The following DYNC1I1 variants were observed in gnomAD, a reference collection of about 807,000 sequenced individuals.
DYNC1I1 encodes the protein cytoplasmic dynein 1 intermediate chain 1.
In DYNC1I1, 43 loss-of-function variants were observed where a neutral mutation model predicts 86.6. The ratio of observed to expected loss-of-function variants is 0.50; its 90% CI spans 0.39 to 0.64. The LOEUF (loss-of-function observed/expected upper bound fraction) is 0.64. Ranked by LOEUF, DYNC1I1 falls within the 30% of genes least tolerant of loss-of-function variation. DYNC1I1 has a pLI of 0.00. For synonymous variants in DYNC1I1, 262 were observed against 283.7 expected, an observed-to-expected ratio of 0.92 and a Z score of 0.77; for missense variants, 604 against 788.8, an observed-to-expected ratio of 0.77 and a Z score of 2.81.
chr7:96,063,779 G>A (rs1308822615), intron 14 of DYNC1I1, among the ~76,000 whole-genome samples: 1 of 152,190 alleles, frequency 6.6e-6, no homozygotes, highest in Non-Finnish European at 1.5e-5. Context: ...GAGAGAGAGG[G>A]TGATAATTCC....
In DYNC1I1 at chr7:96,047,873, G is replaced by T. The variant is rs145250379; in HGVS notation, c.1509+8452G>T. Reference sequence around the variant, plus strand: ...AGCGACTTGAACTCCAAAAGCTATTGGAATAAAAATTAAATTAAAAGAAAA... The same window carrying T: ...AGCGACTTGAACTCCAAAAGCTATTTGAATAAAAATTAAATTAAAAGAAAA... On this transcript the variant is annotated intron_variant, in intron 14 of 16. Transcript: ENST00000447467. Among the ~76,000 whole-genome samples the T allele has an allele frequency of 6.4e-3, 978 of 151,992 alleles. 5 individuals carry two copies. Among genetic ancestry groups the T allele is most frequent in the Non-Finnish European group, 9.4e-3 (641 of 67,972 alleles).
chr7:96,032,099 A>G (rs774900110), intron 11 of DYNC1I1, among the ~76,000 whole-genome samples: 33 of 152,144 alleles, frequency 2.2e-4, no homozygotes, highest in Non-Finnish European at 3.7e-4. Flanking sequence ...ACCTAATTTT[A>G]TCTCACCAGG....
At chr7:96,090,244 G>T (rs183656513) in intron 16 of DYNC1I1, among the ~76,000 whole-genome samples, 2 of 151,172 alleles carry the variant, frequency 1.3e-5, no homozygotes, top group Admixed American at 1.3e-4. Flanking sequence ...ATTTGTTGTT[G>T]TTGTTGTTGT....
At chr7:96,034,760 T>A (rs1453289584) in intron 12 of DYNC1I1, among the ~76,000 whole-genome samples, 1 of 152,144 alleles carries the variant, frequency 6.6e-6, no homozygotes, top group Non-Finnish European at 1.5e-5. Context: ...AGCTTGCACT[T>A]TCAATTTAAT....
chr7:96,032,533 A>G (rs557218123), intron 11 of DYNC1I1, 134 bp from the exon 12 acceptor site: 18 of 653,492 alleles, frequency 2.8e-5, no homozygotes, highest in Middle Eastern at 3.2e-4. Flanking sequence ...AAAAGCGGCA[A>G]ATGACCTGAC....
chr7:95,930,185 A>C (rs1198936678), intron 6 of DYNC1I1, among the ~76,000 whole-genome samples: 1 of 152,216 alleles, frequency 6.6e-6, no homozygotes, highest in Non-Finnish European at 1.5e-5. Flanking sequence ...AAATTGGTAA[A>C]GATCAGAGAG....
At chr7:95,941,094 C>G (rs370984660) in intron 6 of DYNC1I1, among the ~76,000 whole-genome samples, 2 of 152,172 alleles carry the variant, frequency 1.3e-5, no homozygotes, top group East Asian at 1.9e-4. Context: ...GTACCAGCAG[C>G]GGTGGCTGCA....
intron 4 of DYNC1I1, among the ~76,000 whole-genome samples, chr7:95,822,581 T>C (rs1795100214): frequency 6.6e-6 from 1 of 152,140 alleles, no homozygotes; most frequent in Non-Finnish European, 1.5e-5. Flanking sequence ...CCTGGGACCA[T>C]AGAACCGTAA....
At chr7:96,108,758 A>G (rs1234235508) in intron 16 of DYNC1I1, among the ~76,000 whole-genome samples, 1 of 151,318 alleles carries the variant, frequency 6.6e-6, no homozygotes, top group Non-Finnish European at 1.5e-5. Flanking sequence ...GCTACTCGGG[A>G]GGCTGAGGCA....
chr7:95,884,425 CAG>C (rs1346955034), intron 6 of DYNC1I1, among the ~76,000 whole-genome samples: 2 of 150,008 alleles, frequency 1.3e-5, no homozygotes, highest in Non-Finnish European at 3.0e-5. Flanking sequence ...TTCTAAGAGA[CAG>C]AGTCTTGCTG....
chr7:95,831,475 A>T (rs546156212), intron 5 of DYNC1I1, among the ~76,000 whole-genome samples: 3 of 152,122 alleles, frequency 2.0e-5, no homozygotes, highest in Non-Finnish European at 4.4e-5. Context: ...CAGGCCAGAG[A>T]CAGATATCTC....
intron 9 of DYNC1I1, among the ~76,000 whole-genome samples, chr7:95,987,705 T>C (rs1159623579): frequency 6.6e-6 from 1 of 152,186 alleles, no homozygotes; most frequent in African/African-American, 2.4e-5. Context: ...AGCCTATTTA[T>C]ATCTCCCGCC....
chr7:95,973,669 C>G (rs1228795545), intron 6 of DYNC1I1, among the ~76,000 whole-genome samples: 1 of 152,122 alleles, frequency 6.6e-6, no homozygotes, highest in Non-Finnish European at 1.5e-5. Flanking sequence ...TTTTTATAGC[C>G]AAGCCCTTCA....
intron 9 of DYNC1I1, among the ~76,000 whole-genome samples, chr7:95,994,754 A>G (rs1158826506): frequency 6.6e-6 from 1 of 152,238 alleles, no homozygotes; most frequent in East Asian, 1.9e-4. Context: ...AGCCAAATAC[A>G]TATTTTGTAA....
intron 16 of DYNC1I1, among the ~76,000 whole-genome samples, chr7:96,084,744 T>A (rs937994615): frequency 2.6e-5 from 4 of 152,102 alleles, no homozygotes; most frequent in African/African-American, 9.7e-5. Flanking sequence ...TTCTTAAAAC[T>A]ACTTAAAAAT....
At position 95,940,627 on chromosome 7, in the gene DYNC1I1, G is replaced by A. The variant is rs556179637; in HGVS notation, c.491-36885G>A. On this transcript the variant is annotated intron_variant, in intron 6 of 16. Coordinates refer to ENST00000447467, the MANE Select transcript of DYNC1I1 (RefSeq NM_001135556.2). ...CTTCTGCATTCTTCACATAGTTCTC[G>A]AACCTTGACTTTCAGCTCTATCAGC... Among the ~76,000 whole-genome samples, 64 of 152,182 alleles carry A rather than the reference G, an allele frequency of 4.2e-4. 1 individual carries two copies. The East Asian group carries it at 9.5e-3, about 22-fold the overall frequency.
intron 16 of DYNC1I1, among the ~76,000 whole-genome samples, chr7:96,088,842 C>T (rs1329504477): frequency 1.3e-5 from 2 of 152,124 alleles, no homozygotes; most frequent in African/African-American, 4.8e-5. Flanking sequence ...TCAAGGAAAG[C>T]TTACATGAAT....
At chr7:96,027,642 T>C (rs1794713034) in intron 10 of DYNC1I1, among the ~76,000 whole-genome samples, 1 of 152,180 alleles carries the variant, frequency 6.6e-6, no homozygotes, top group South Asian at 2.1e-4. Flanking sequence ...ATTGGATCAG[T>C]CTGAGGTCAG....
At chr7:95,874,644 GAAGA>G (rs372309439) in intron 6 of DYNC1I1, among the ~76,000 whole-genome samples, 7,299 of 21,636 alleles carry the variant, frequency 0.34, 269 homozygotes, top group South Asian at 0.48. Flanking sequence ...ATTAGAAAAA[GAAGA>G]GAGAGAGAGA....
Sources: gnomAD v4.1 joint callset for allele counts (sites outside exome capture counted in the v4.1 genomes callset) on GRCh38, gnomAD v4.1.1 for gene constraint, MANE v1.5 for transcripts, NCBI Gene and HGNC (gene_info 2026-07-23, HGNC 2026-07-21) for gene names.